Variants in STARD13 observed in about 807,000 individuals in gnomAD.
The protein encoded by STARD13 is stAR-related lipid transfer protein 13.
STARD13 carries 62 observed loss-of-function variants against 106.4 expected under a neutral mutation model. The ratio of observed to expected loss-of-function variants is 0.58; its 90% CI spans 0.48 to 0.72. The LOEUF is 0.72. STARD13 is among the 30% of genes least tolerant of loss of function. The pLI is 0.00. For synonymous variants in STARD13, 565 were observed against 553.0 expected (o/e 1.02, Z -0.31); for missense variants, 1,387 against 1,424.0 (o/e 0.97, Z 0.42).
the STARD13 span, among the ~76,000 whole-genome samples, chr13:33,426,208 A>G: frequency 4.6e-5 from 7 of 152,186 alleles, no homozygotes; most frequent in African/African-American, 1.7e-4. Context: ...TCAAGAATGC[A>G]TATATGTTTT....
chr13:33,598,537 T>G, the STARD13 span, among the ~76,000 whole-genome samples: 1 of 152,256 alleles, frequency 6.6e-6, no homozygotes, highest in African/African-American at 2.4e-5. Context: ...GTAGAAACAG[T>G]GTTGGTATAA....
At chr13:33,666,939 G>C in the STARD13 span, among the ~76,000 whole-genome samples, 1 of 152,228 alleles carries the variant, frequency 6.6e-6, no homozygotes, top group African/African-American at 2.4e-5. Context: ...TGGATGAATA[G>C]ATGGATAAAT....
the STARD13 span, among the ~76,000 whole-genome samples, chr13:33,540,893 G>C: frequency 1.3e-4 from 20 of 152,314 alleles, no homozygotes; most frequent in East Asian, 2.1e-3. Context: ...GATCACACTA[G>C]TCCACCCAAC....
intron 1 of STARD13, among the ~76,000 whole-genome samples, chr13:33,216,681 C>T (rs1157226975): frequency 6.6e-6 from 1 of 152,064 alleles, no homozygotes; most frequent in Non-Finnish European, 1.5e-5. Flanking sequence ...GCTCATGTAA[C>T]CAAACACCGC....
chr13:33,559,365 A>C, the STARD13 span, among the ~76,000 whole-genome samples: 1 of 151,586 alleles, frequency 6.6e-6, no homozygotes, highest in Non-Finnish European at 1.5e-5. Context: ...AATTGGAATA[A>C]AGTTGGAGAA....
intron 7 of STARD13, among the ~76,000 whole-genome samples, chr13:33,124,210 G>C (rs2138135679): frequency 6.6e-6 from 1 of 152,040 alleles, no homozygotes; most frequent in South Asian, 2.1e-4. Flanking sequence ...TTTTTCACAG[G>C]AGCCAGAGAG....
rs115164847 is a variant in STARD13 at position 33,147,408 on chromosome 13, G to A, written c.324-5035C>T. On this transcript the variant is annotated intron_variant, in intron 3 of 13. Transcript: ENST00000336934. ...AGAGTTATCAATTCCCTGCTGCAGT[G>A]CTGAAGCCATATTGTAACATGCACA... Among the ~76,000 whole-genome samples, 579 of 152,284 alleles carry A rather than the reference G, an allele frequency of 3.8e-3. 3 individuals are homozygous for A. Among genetic ancestry groups the A allele is most frequent in the African/African-American group, 0.013 (542 of 41,564 alleles).
the STARD13 span, among the ~76,000 whole-genome samples, chr13:33,487,770 T>C: frequency 6.6e-6 from 1 of 152,214 alleles, no homozygotes; most frequent in African/African-American, 2.4e-5. Flanking sequence ...TCTTACTTTC[T>C]CTTTTAGTTA....
At chr13:33,175,505 T>C (rs1884425560) in intron 1 of STARD13, among the ~76,000 whole-genome samples, 1 of 152,164 alleles carries the variant, frequency 6.6e-6, no homozygotes, top group East Asian at 1.9e-4. Context: ...GCAGATTGTC[T>C]CTCCCTCTCT....
the STARD13 span, among the ~76,000 whole-genome samples, chr13:33,504,005 T>C: frequency 5.3e-5 from 8 of 152,144 alleles, no homozygotes; most frequent in African/African-American, 1.9e-4. Context: ...CATGAAAAAA[T>C]GCTCATCATC....
chr13:33,194,586 A>C (rs1886481223), intron 1 of STARD13, among the ~76,000 whole-genome samples: 1 of 152,230 alleles, frequency 6.6e-6, no homozygotes, highest in Non-Finnish European at 1.5e-5. Context: ...TTACTTTAAT[A>C]TAAACTAGAT....
chr13:33,525,779 C>T, the STARD13 span, among the ~76,000 whole-genome samples: 1 of 152,058 alleles, frequency 6.6e-6, no homozygotes, highest in Admixed American at 6.6e-5. Context: ...TAATTTTACT[C>T]ATAGATTATC....
intron 1 of STARD13, among the ~76,000 whole-genome samples, chr13:33,203,091 C>T (rs183059663): frequency 1.3e-5 from 2 of 152,318 alleles, no homozygotes; most frequent in East Asian, 3.9e-4. Context: ...CCTCGTGCTA[C>T]AGTAAGGCAC....
At chr13:33,599,656 A>G in the STARD13 span, among the ~76,000 whole-genome samples, 1 of 152,156 alleles carries the variant, frequency 6.6e-6, no homozygotes, top group Non-Finnish European at 1.5e-5. Flanking sequence ...AAAGCAGCAA[A>G]ATTTAAAGAG....
At chr13:33,515,492 G>T in the STARD13 span, among the ~76,000 whole-genome samples, 6 of 152,160 alleles carry the variant, frequency 3.9e-5, no homozygotes, top group Admixed American at 6.6e-5. Flanking sequence ...CAAGGAAAGT[G>T]CAGAGATAGC....
At position 33,110,714 on chromosome 13, in the gene STARD13, G is replaced by A. The variant is rs368940534; in HGVS notation, c.2801C>T (p.Thr934Met). 4.7e-5 allele frequency: 76 copies of A among 1,613,996 alleles called. No individual in the cohort carries two copies. Among genetic ancestry groups the A allele is most frequent in the African/African-American group, 1.6e-4 (12 of 74,908 alleles). ...TTTGAAAGCAAGATCTGTATTGTCC[G>A]TGCTGGAGCACGTGACCCATCCTTT... ...KFKGWVTCSS[T>M]DNTDLAFKKV... Residue 934 changes from threonine (T) to methionine (M), a missense_variant, in exon 11 of 14, where the codon ACG becomes ATG. Physicochemically the swap from Thr to Met is moderately conservative, Grantham distance 81. Coordinates refer to ENST00000336934, the MANE Select transcript of STARD13 (RefSeq NM_178006.4).
intron 1 of STARD13, among the ~76,000 whole-genome samples, chr13:33,169,276 A>T (rs564660679): frequency 6.6e-6 from 1 of 152,224 alleles, no homozygotes; most frequent in Non-Finnish European, 1.5e-5. Context: ...TCCTCTGGGA[A>T]GGTACAAAAG....
the STARD13 span, among the ~76,000 whole-genome samples, chr13:33,563,075 T>C: frequency 6.8e-6 from 1 of 146,756 alleles, no homozygotes; most frequent in Non-Finnish European, 1.5e-5. Flanking sequence ...TATAAAACAC[T>C]GATGAACGAA....
rs1055416969 is a variant in STARD13 at position 33,201,169 on chromosome 13, A to G, written c.170-33547T>C. Among the ~76,000 whole-genome samples the G allele has an allele frequency of 2.0e-5, 3 of 152,218 alleles. No individual in the cohort carries two copies. In the South Asian group the frequency reaches 6.2e-4, roughly 32 times the overall value. On this transcript the variant is annotated intron_variant, in intron 1 of 13. Transcript: ENST00000336934. ...TGAGATGGAAATGTTCCTGCCCACT[A>G]GCAATCCTTAGCTCTGGCCCCTGTA... is the stretch of plus-strand genomic sequence containing the variant.
Sources: gnomAD v4.1 joint callset for allele counts (sites outside exome capture counted in the v4.1 genomes callset) on GRCh38, gnomAD v4.1.1 for gene constraint, MANE v1.5 for transcripts, NCBI Gene and HGNC (gene_info 2026-07-23, HGNC 2026-07-21) for gene names.